LRRC36: variants seen among roughly 807,000 people sequenced by gnomAD.
LRRC36 encodes the protein leucine-rich repeat-containing protein 36.
A neutral mutation model predicts 81.1 loss-of-function variants in LRRC36; 62 were observed. The ratio of observed to expected loss-of-function variants is 0.76; its 90% CI spans 0.62 to 0.94. The LOEUF is 0.94. Among genes scored for constraint, LRRC36 ranks in the 40% least tolerant of loss-of-function variants. The pLI, the probability that LRRC36 is intolerant of heterozygous loss-of-function variation, is 0.00. For missense variants in LRRC36, 761 were observed against 881.7 expected (o/e 0.86, Z 1.73); for synonymous variants, 334 against 348.6 (o/e 0.96, Z 0.47).
At chr16:67,380,074 C>T (rs1028428910) in intron 12 of LRRC36, among the ~76,000 whole-genome samples, 1 of 152,088 alleles carries the variant, frequency 6.6e-6, no homozygotes, top group African/African-American at 2.4e-5. Context: ...ACCCTAGAAT[C>T]AAATGCTTTT....
At chr16:67,342,176 A>G in intron 2 of LRRC36, 92 bp downstream of exon 2, 1 of 822,418 alleles carries the variant, frequency 1.2e-6, no homozygotes, top group Non-Finnish European at 1.7e-6. Flanking sequence ...CCTGGGGAAT[A>G]TAAGACCTTC....
rs547114513 is a variant in LRRC36, at chr16:67,330,740, C to T, written c.70+3808C>T. Among the ~76,000 whole-genome samples, 24 of 152,142 alleles carry T rather than the reference C, an allele frequency of 1.6e-4. 1 individual carries two copies. The highest frequency in any genetic ancestry group is 5.5e-4 in the African/African-American group (23 of 41,496). ...ATTAGCCCGGCATGGTGGCAGGTGC[C>T]TATAATCCCAGCTACTCAGGAGGCT... On this transcript the variant is annotated intron_variant, in intron 1 of 13. Transcript: ENST00000329956.
At chr16:67,351,225 C>T (rs1308721142) in intron 5 of LRRC36, among the ~76,000 whole-genome samples, 1 of 152,008 alleles carries the variant, frequency 6.6e-6, no homozygotes, top group Non-Finnish European at 1.5e-5. Context: ...AGTGCCTCTT[C>T]CCTTGGAAGA....
rs115979067 is a variant in LRRC36, at chr16:67,385,195, A to G, written c.*106A>G. On this transcript the variant is annotated 3_prime_UTR_variant, in exon 14 of 14. Transcript: ENST00000329956. ...CTCACAAAGATTAAGAAAGAAATGT[A>G]TTCTGATTAGATTGTATTGGTCCTT... 1,431 of 786,266 alleles carry G rather than the reference A, an allele frequency of 1.8e-3. 14 individuals are homozygous for G. In the African/African-American group the frequency reaches 0.022, roughly 12 times the overall value. The allele number at this position is 786,266 out of a possible 1,614,324, so 48.7% of individuals were successfully genotyped here.
intron 5 of LRRC36, among the ~76,000 whole-genome samples, chr16:67,358,469 A>G (rs979361920): frequency 3.3e-5 from 5 of 151,496 alleles, no homozygotes; most frequent in Non-Finnish European, 7.4e-5. Flanking sequence ...CCTGAGTAGC[A>G]GGGACTACAG....
Position 67,363,664 on chromosome 16 carries a change from G to T in LRRC36, c.652G>T (p.Gly218Cys). ...TTCCCTAAGTACTTCTGCAACTCAG[G>T]GCAATGGTACACGTGATCAGAAATT... ...KDSLSTSATQ[G>C]NGTRDQKLDT... Residue 218 changes from glycine (G) to cysteine (C), a missense_variant, in exon 6 of 14, where the codon GGC becomes TGC. By Grantham distance (159) the Gly-to-Cys change is radical. Coordinates refer to ENST00000329956, the MANE Select transcript of LRRC36 (RefSeq NM_018296.6). 1.9e-6 allele frequency: 3 copies of T among 1,613,916 alleles called. No individual in the cohort carries two copies. The highest frequency in any genetic ancestry group is 2.5e-6 in the Non-Finnish European group (3 of 1,179,838).
Position 67,378,671 on chromosome 16 carries a change from C to T in LRRC36, c.1889C>T (p.Ala630Val). The change falls in exon 12 of 14, where the codon GCT becomes GTT. Residue 630 changes from alanine (A) to valine (V), a missense_variant. Physicochemically the swap from Ala to Val is moderately conservative, Grantham distance 64. Around this residue, in one of 3 missense-constraint regions of LRRC36, gnomAD observed 359 missense variants for 388.4 expected, o/e 0.92. Coordinates refer to ENST00000329956, the MANE Select transcript of LRRC36 (RefSeq NM_018296.6). ...AAAATTCAACAGTTGGAGGAAGGTG[C>T]TGCCATCTCAATTGTGAGTGGGCAA... ...SEKIQQLEEGAAISIVSGQQS... is the reference protein window; with the variant it reads ...SEKIQQLEEGVAISIVSGQQS... 6.2e-7 allele frequency: 1 copy of T among 1,614,028 alleles called. No individual in the cohort carries two copies. The highest frequency in any genetic ancestry group is 2.2e-5 in the East Asian group (1 of 44,878).
rs1038867495 is a variant in LRRC36 at position 67,341,979 on chromosome 16, G to T, written c.93G>T (p.Leu31Phe). The T allele has an allele frequency of 1.2e-5, 20 of 1,610,894 alleles. No homozygotes were observed. The highest frequency in any genetic ancestry group is 1.7e-5 in the Non-Finnish European group (20 of 1,178,008). Reference protein sequence around the residue: ...EQPELVESLSLQGSYAGKIHS... With the variant: ...EQPELVESLSFQGSYAGKIHS... ...CAGAACTGGTGGAGTCTCTTTCATTGCAGGGATCTTATGCTGGCAAAATCC... is the reference window on the plus strand; with the variant it reads ...CAGAACTGGTGGAGTCTCTTTCATTTCAGGGATCTTATGCTGGCAAAATCC... Residue 31 changes from leucine (L) to phenylalanine (F), a missense_variant, in exon 2 of 14, where the codon TTG becomes TTT. Coordinates refer to ENST00000329956, the MANE Select transcript of LRRC36 (RefSeq NM_018296.6).
rs751719198 is a variant in LRRC36 at position 67,371,217 on chromosome 16, G to C, written c.1469G>C (p.Gly490Ala). 6.2e-7 allele frequency: 1 copy of C among 1,614,184 alleles called. No homozygotes were observed. The highest frequency in any genetic ancestry group is 1.1e-5 in the South Asian group (1 of 91,090). ...CTTGCCAACCTGAATCTAAAGCATG[G>C]TTTCCAAGATGCTACAGGCAGCGAG... ...NILANLNLKH[G>A]FQDATGSEPL... Residue 490 changes from glycine to alanine, a missense_variant, in exon 9 of 14, where the codon GGT becomes GCT. Gly to Ala is a moderately conservative substitution (Grantham distance 60). Coordinates refer to ENST00000329956, the MANE Select transcript of LRRC36 (RefSeq NM_018296.6).
intron 8 of LRRC36, among the ~76,000 whole-genome samples, chr16:67,368,511 G>A (rs1157054708): frequency 6.6e-6 from 1 of 152,186 alleles, no homozygotes; most frequent in Non-Finnish European, 1.5e-5. Flanking sequence ...TCCTGAGGCT[G>A]GAACATACTT....
chr16:67,327,000 T>A, intron 1 of LRRC36, 68 bp downstream of exon 1: 1 of 1,318,744 alleles, frequency 7.6e-7, no homozygotes, highest in Non-Finnish European at 9.7e-7. Flanking sequence ...AAAACTGAAG[T>A]GGAAGGCGGG....
At chr16:67,376,366 G>T (rs945230875) in intron 10 of LRRC36, among the ~76,000 whole-genome samples, 1 of 151,998 alleles carries the variant, frequency 6.6e-6, no homozygotes, top group African/African-American at 2.4e-5. Flanking sequence ...CGTTGTTTGG[G>T]GTTAAAAAAA....
At position 67,382,227 on chromosome 16, in the gene LRRC36, C is replaced by T. The variant is rs1441465665; in HGVS notation, c.2025C>T (p.Ala675=). 3 of 1,613,906 alleles carry T rather than the reference C, an allele frequency of 1.9e-6. No homozygotes were observed. The highest frequency in any genetic ancestry group is 2.2e-5 in the East Asian group (1 of 44,862). ...AQLKKLEKTV[A]ILHESQRSLV... ...TGAAAAAGCTGGAGAAGACAGTTGC[C>T]ATTCTCCATGAAAGTCAGAGGTAGG... The change falls in exon 13 of 14, where the codon GCC becomes GCT. Residue 675 remains alanine (A), a synonymous_variant. Coordinates refer to ENST00000329956, the MANE Select transcript of LRRC36 (RefSeq NM_018296.6).
intron 5 of LRRC36, among the ~76,000 whole-genome samples, chr16:67,350,931 G>A (rs888440199): frequency 2.6e-5 from 4 of 152,098 alleles, no homozygotes; most frequent in Non-Finnish European, 5.9e-5. Context: ...CCATCTACTC[G>A]GGAGGCTGAG....
At chr16:67,348,377 C>G (rs1295187129) in intron 4 of LRRC36, 1 of 151,332 alleles carries the variant, frequency 6.6e-6, no homozygotes, top group Non-Finnish European at 1.5e-5. Flanking sequence ...TTGGAAAGTA[C>G]AGAAAAAAAC....
chr16:67,335,218 G>T (rs1490625886), intron 1 of LRRC36, among the ~76,000 whole-genome samples: 1 of 152,190 alleles, frequency 6.6e-6, no homozygotes. Flanking sequence ...TCCTACAGCT[G>T]TGACCATAAA....
chr16:67,369,629 A>G (rs2039549138), intron 8 of LRRC36, among the ~76,000 whole-genome samples: 1 of 152,234 alleles, frequency 6.6e-6, no homozygotes, highest in South Asian at 2.1e-4. Context: ...TATAAAGGAA[A>G]GAGGTTTAAT....
Position 67,371,032 on chromosome 16 carries a change from A to AC in LRRC36, c.1286dup (p.Ala430SerfsTer73), listed in dbSNP as rs770514879. On this transcript the variant is annotated frameshift_variant, in exon 9 of 14. Transcript: ENST00000329956. LOFTEE classifies it high-confidence loss of function. ...TATCTACCAGCCTGGATGATTTAAC[A>AC]CCAGCACATGGTTCTGTCCCAAACA... The AC allele has an allele frequency of 3.0e-5, 48 of 1,614,002 alleles. No individual in the cohort carries two copies. Among genetic ancestry groups the AC allele is most frequent in the Non-Finnish European group, 4.0e-5 (47 of 1,180,012 alleles).
At chr16:67,365,819 T>C (rs1353976352) in intron 7 of LRRC36, among the ~76,000 whole-genome samples, 2 of 152,210 alleles carry the variant, frequency 1.3e-5, no homozygotes, top group African/African-American at 4.8e-5. Flanking sequence ...TCCTGACTTA[T>C]ATGTTGTTAT....
Sources: allele counts gnomAD v4.1 joint callset (sites outside exome capture counted in the v4.1 genomes callset), GRCh38; gene constraint gnomAD v4.1.1; regional missense constraint gnomAD v4.1.1; transcripts MANE v1.5; gene names NCBI Gene and HGNC (gene_info 2026-07-23, HGNC 2026-07-21).